The following NRG1 variants were observed in gnomAD, a reference collection of about 807,000 sequenced individuals.
NRG1 encodes the protein neuregulin 1.
A neutral mutation model predicts 63.8 loss-of-function variants in NRG1; 18 were observed. The ratio of observed to expected loss-of-function variants is 0.28; its 90% CI spans 0.19 to 0.42. NRG1 has a LOEUF of 0.42. Among genes scored for constraint, NRG1 ranks in the 10% least tolerant of loss-of-function variants. The pLI is 1.00. For missense variants in NRG1, 762 were observed against 814.7 expected (o/e 0.94, Z 0.79); for synonymous variants, 302 against 301.3 (o/e 1.00, Z -0.02).
rs374521666 is a variant in NRG1 at position 32,083,074 on chromosome 8, G to A, written c.37+443643G>A. Among the ~76,000 whole-genome samples, 28 of 152,116 alleles carry A rather than the reference G, an allele frequency of 1.8e-4. No individual in the cohort carries two copies. The East Asian group carries it at 2.9e-3, about 16-fold the overall frequency. On this transcript the variant is annotated intron_variant, in intron 1 of 10. Coordinates refer to the NRG1 transcript ENST00000519301. Reference sequence around the variant, plus strand: ...CTGTTTTCTAGCTGGAGATGTGGGCGCAGTCATGAGTATGCCTCCACCATT... The same window carrying A: ...CTGTTTTCTAGCTGGAGATGTGGGCACAGTCATGAGTATGCCTCCACCATT...
chr8:32,392,473 T>A (rs1453693743), intron 1 of NRG1, among the ~76,000 whole-genome samples: 1 of 152,244 alleles, frequency 6.6e-6, no homozygotes, highest in African/African-American at 2.4e-5. Flanking sequence ...CTCCCTTTTT[T>A]CGCATCTCCA....
chr8:31,826,139 C>T (rs1824527998), intron 1 of NRG1, among the ~76,000 whole-genome samples: 1 of 152,082 alleles, frequency 6.6e-6, no homozygotes, highest in African/African-American at 2.4e-5. Flanking sequence ...AGTCTTATAC[C>T]TAGGTGAACC....
At chr8:32,709,510 A>G (rs1275224070) in intron 5 of NRG1, among the ~76,000 whole-genome samples, 1 of 152,068 alleles carries the variant, frequency 6.6e-6, no homozygotes, top group East Asian at 1.9e-4. Context: ...TCCTGGGCTC[A>G]AATGATCCTC....
At chr8:32,135,742 A>T (rs1835424708) in intron 1 of NRG1, among the ~76,000 whole-genome samples, 6 of 152,028 alleles carry the variant, frequency 3.9e-5, no homozygotes, top group Admixed American at 3.9e-4. Flanking sequence ...AGAAATTAGG[A>T]CATGGATGCA....
At chr8:31,923,641 G>A (rs1311718617) in intron 1 of NRG1, among the ~76,000 whole-genome samples, 1 of 151,804 alleles carries the variant, frequency 6.6e-6, no homozygotes, top group South Asian at 2.1e-4. Context: ...AAGATTTAGG[G>A]TTCTTCAGAT....
chr8:32,426,898 A>G (rs905467779), intron 1 of NRG1, among the ~76,000 whole-genome samples: 16 of 152,234 alleles, frequency 1.1e-4, no homozygotes, highest in African/African-American at 3.6e-4. Context: ...AAAGTTGAGC[A>G]AAAGCAAAGG....
chr8:31,693,102 C>T (rs1021045882), intron 1 of NRG1, among the ~76,000 whole-genome samples: 2 of 152,110 alleles, frequency 1.3e-5, no homozygotes, highest in Admixed American at 6.5e-5. Flanking sequence ...CCCTTGCTGC[C>T]GCTGCATGCC....
At chr8:32,480,420 C>A (rs1825103441) in intron 1 of NRG1, among the ~76,000 whole-genome samples, 1 of 143,138 alleles carries the variant, frequency 7.0e-6, no homozygotes. Context: ...ATGTATGGTA[C>A]ATCTCCAAAT....
chr8:32,041,160 A>G (rs914440981), intron 1 of NRG1, among the ~76,000 whole-genome samples: 10 of 152,168 alleles, frequency 6.6e-5, no homozygotes, highest in African/African-American at 2.4e-4. Context: ...TGGCAAGTAG[A>G]AGCTTATCAT....
chr8:32,143,439 C>G (rs1189237735), intron 1 of NRG1, among the ~76,000 whole-genome samples: 1 of 152,152 alleles, frequency 6.6e-6, no homozygotes, highest in Non-Finnish European at 1.5e-5. Context: ...TTCCCCAGAC[C>G]ATGAGCTCCA....
intron 6 of NRG1, among the ~76,000 whole-genome samples, chr8:32,739,536 T>G (rs1014276154): frequency 6.6e-6 from 1 of 152,166 alleles, no homozygotes; most frequent in Non-Finnish European, 1.5e-5. Flanking sequence ...GATTTTATGA[T>G]AGAGATAAGC....
At chr8:32,285,409 A>T (rs2129473589) in intron 1 of NRG1, among the ~76,000 whole-genome samples, 1 of 152,270 alleles carries the variant, frequency 6.6e-6, no homozygotes, top group African/African-American at 2.4e-5. Flanking sequence ...GACAAGTCAA[A>T]AGCATACAAT....
chr8:31,944,068 T>TG (rs1802169348), intron 1 of NRG1, among the ~76,000 whole-genome samples: 2 of 152,230 alleles, frequency 1.3e-5, no homozygotes, highest in African/African-American at 4.8e-5. Flanking sequence ...TTTCCTTATT[T>TG]GTCATGTATG....
intron 5 of NRG1, among the ~76,000 whole-genome samples, chr8:32,725,710 A>G (rs111391069): frequency 0.058 from 8,748 of 151,612 alleles, 830 homozygotes; most frequent in African/African-American, 0.2. Flanking sequence ...TCCTGACCTC[A>G]TGATCCTCCC....
intron 1 of NRG1, among the ~76,000 whole-genome samples, chr8:31,917,309 G>A (rs529627559): frequency 3.4e-5 from 5 of 148,472 alleles, no homozygotes; most frequent in Non-Finnish European, 7.4e-5. Context: ...GTAATGCCTA[G>A]GTTTTCTTCT....
intron 1 of NRG1, among the ~76,000 whole-genome samples, chr8:32,070,765 A>T (rs1048157768): frequency 1.3e-5 from 2 of 152,202 alleles, no homozygotes; most frequent in Non-Finnish European, 1.5e-5. Flanking sequence ...TGTATTTTTT[A>T]CAGCATATAT....
chr8:32,095,536 A>G (rs1829789842), intron 1 of NRG1, among the ~76,000 whole-genome samples: 2 of 152,240 alleles, frequency 1.3e-5, no homozygotes, highest in Non-Finnish European at 2.9e-5. Flanking sequence ...GCAAACATTT[A>G]TAGACCATCT....
At chr8:32,578,775 A>G (rs1243405688) in intron 1 of NRG1, among the ~76,000 whole-genome samples, 1 of 152,126 alleles carries the variant, frequency 6.6e-6, no homozygotes, top group African/African-American at 2.4e-5. Flanking sequence ...TTCCCTTGGG[A>G]TATGTAAGAT....
downstream of NRG1, among the ~76,000 whole-genome samples, chr8:32,772,041 G>GTATGTATA (rs1831853682): frequency 9.5e-5 from 1 of 10,558 alleles, no homozygotes; most frequent in African/African-American, 3.2e-4. Context: ...AAAAAAATAT[G>GTATGTATA]TATATATATA....
Sources: gnomAD v4.1 joint callset for allele counts (sites outside exome capture counted in the v4.1 genomes callset) on GRCh38, gnomAD v4.1.1 for gene constraint, MANE v1.5 for transcripts, NCBI Gene and HGNC (gene_info 2026-07-23, HGNC 2026-07-21) for gene names.